TRIM44: variants seen among roughly 807,000 people sequenced by gnomAD.
TRIM44 encodes tripartite motif-containing protein 44.
A neutral mutation model predicts 37.4 loss-of-function variants in TRIM44; 13 were observed. The ratio of observed to expected loss-of-function variants is 0.35; its 90% CI spans 0.23 to 0.55. The LOEUF is 0.55. Among genes scored for constraint, TRIM44 ranks in the 20% least tolerant of loss-of-function variants. The probability of loss-of-function intolerance (pLI) is 0.89; values close to 1 mark genes in which losing one functional copy is unlikely to be tolerated. For missense variants in TRIM44, 426 were observed against 437.2 expected, an observed-to-expected ratio of 0.97 and a Z score of 0.23; for synonymous variants, 175 against 157.2, an observed-to-expected ratio of 1.11 and a Z score of -0.85.
At chr11:35,746,932 G>A (rs560277248) in intron 4 of TRIM44, among the ~76,000 whole-genome samples, 1 of 152,218 alleles carries the variant, frequency 6.6e-6, no homozygotes, top group African/African-American at 2.4e-5. Context: ...AAATGGAAAG[G>A]CATTTTGTTT....
chr11:35,746,817 TATAAGCAG>T (rs938024060), intron 4 of TRIM44, among the ~76,000 whole-genome samples: 4 of 152,200 alleles, frequency 2.6e-5, no homozygotes, highest in Non-Finnish European at 5.9e-5. Flanking sequence ...CTTTCTTGTC[TATAAGCAG>T]GGAGTTCAGC....
intron 4 of TRIM44, among the ~76,000 whole-genome samples, chr11:35,784,113 G>A (rs938559135): frequency 3.9e-5 from 6 of 152,174 alleles, no homozygotes; most frequent in African/African-American, 1.4e-4. Flanking sequence ...GGTTCATGAC[G>A]TAGAAGATAA....
intron 4 of TRIM44, among the ~76,000 whole-genome samples, chr11:35,751,549 G>A (rs1050022154): frequency 4.6e-5 from 7 of 152,296 alleles, no homozygotes; most frequent in Admixed American, 6.5e-5. Context: ...CAGTCATATA[G>A]GAGCAGTAGT....
intron 4 of TRIM44, among the ~76,000 whole-genome samples, chr11:35,754,962 C>T (rs1360793765): frequency 1.3e-5 from 2 of 152,200 alleles, no homozygotes; most frequent in Non-Finnish European, 2.9e-5. Context: ...CTGCAATAAA[C>T]ATACATGTGC....
chr11:35,737,345 T>C (rs1004735325), intron 4 of TRIM44, among the ~76,000 whole-genome samples: 3 of 152,096 alleles, frequency 2.0e-5, no homozygotes, highest in Admixed American at 6.5e-5. Flanking sequence ...TTTAGAAGTG[T>C]CTCCTACCTA....
chr11:35,805,505 T>G (rs753783930), intron 4 of TRIM44, among the ~76,000 whole-genome samples: 1 of 152,190 alleles, frequency 6.6e-6, no homozygotes, highest in Non-Finnish European at 1.5e-5. Flanking sequence ...GACAACTATT[T>G]GACCACTGAA....
intron 3 of TRIM44, among the ~76,000 whole-genome samples, chr11:35,729,564 A>G (rs1852227096): frequency 6.6e-6 from 1 of 152,120 alleles, no homozygotes; most frequent in Admixed American, 6.5e-5. Context: ...CAGTTATTGG[A>G]ATTTTATCAT....
At chr11:35,776,813 TGA>T (rs1166018885) in intron 4 of TRIM44, among the ~76,000 whole-genome samples, 14 of 152,372 alleles carry the variant, frequency 9.2e-5, no homozygotes, top group Admixed American at 7.8e-4. Context: ...CACTGTGGTC[TGA>T]GAGACAGTTT....
At chr11:35,690,842 G>A (rs951132628) in intron 2 of TRIM44, among the ~76,000 whole-genome samples, 1 of 152,188 alleles carries the variant, frequency 6.6e-6, no homozygotes, top group South Asian at 2.1e-4. Flanking sequence ...GAGACTTCAA[G>A]GGGTTAAATA....
intron 2 of TRIM44, among the ~76,000 whole-genome samples, chr11:35,715,850 AAG>A (rs1375266287): frequency 1.3e-5 from 2 of 151,968 alleles, no homozygotes; most frequent in East Asian, 3.9e-4. Flanking sequence ...GAGCAGGAGG[AAG>A]AGAGAGAGGA....
At chr11:35,678,413 T>G (rs1027843652) in intron 1 of TRIM44, among the ~76,000 whole-genome samples, 2 of 152,156 alleles carry the variant, frequency 1.3e-5, no homozygotes, top group Non-Finnish European at 2.9e-5. Flanking sequence ...ACTTTGAGTC[T>G]GACAACTAAA....
At chr11:35,714,323 T>A (rs1179440559) in intron 2 of TRIM44, among the ~76,000 whole-genome samples, 1 of 152,172 alleles carries the variant, frequency 6.6e-6, no homozygotes, top group Non-Finnish European at 1.5e-5. Context: ...TAGAAAAATA[T>A]CTATGAGAAT....
intron 4 of TRIM44, among the ~76,000 whole-genome samples, chr11:35,747,633 C>T (rs1243179653): frequency 6.6e-6 from 1 of 151,642 alleles, no homozygotes; most frequent in Non-Finnish European, 1.5e-5. Context: ...TGTCAACAAG[C>T]AGTTTGTCTG....
chr11:35,713,502 C>CTTTT (rs34352321), intron 2 of TRIM44, among the ~76,000 whole-genome samples: 1 of 140,150 alleles, frequency 7.1e-6, no homozygotes, highest in African/African-American at 2.6e-5. Context: ...ATATGACATG[C>CTTTT]TTTTTTTTTT....
At chr11:35,725,438 A>G (rs755659208) in intron 2 of TRIM44, among the ~76,000 whole-genome samples, 10 of 152,008 alleles carry the variant, frequency 6.6e-5, no homozygotes, top group Non-Finnish European at 1.0e-4. Flanking sequence ...GGTTCAAGCA[A>G]TTCTCCTGCC....
At chr11:35,743,953 G>A (rs1023388797) in intron 4 of TRIM44, among the ~76,000 whole-genome samples, 5 of 152,142 alleles carry the variant, frequency 3.3e-5, no homozygotes, top group African/African-American at 1.2e-4. Context: ...CCAGAGAATA[G>A]TTAAAAATAA....
At chr11:35,702,792 A>T (rs1851808354) in intron 2 of TRIM44, among the ~76,000 whole-genome samples, 1 of 152,264 alleles carries the variant, frequency 6.6e-6, no homozygotes, top group South Asian at 2.1e-4. Context: ...ATGGCCGAAT[A>T]GGAACAGCTC....
intron 1 of TRIM44, among the ~76,000 whole-genome samples, chr11:35,677,937 A>G (rs1380425887): frequency 6.6e-6 from 1 of 152,216 alleles, no homozygotes; most frequent in African/African-American, 2.4e-5. Context: ...TTTTTGAACT[A>G]GTGACCTGGG....
intron 4 of TRIM44, among the ~76,000 whole-genome samples, chr11:35,781,278 G>A (rs1020657836): frequency 6.6e-6 from 1 of 152,086 alleles, no homozygotes; most frequent in African/African-American, 2.4e-5. Context: ...TAACAGTGAA[G>A]CATGTTTCTG....
Sources: allele counts gnomAD v4.1 joint callset (sites outside exome capture counted in the v4.1 genomes callset), GRCh38; gene constraint gnomAD v4.1.1; transcripts MANE v1.5; gene names NCBI Gene and HGNC (gene_info 2026-07-23, HGNC 2026-07-21).